The following MELTF variants were observed in gnomAD, a reference collection of about 807,000 sequenced individuals.
The protein encoded by MELTF is melanotransferrin.
A neutral mutation model predicts 83.7 loss-of-function variants in MELTF; 67 were observed. The ratio of observed to expected loss-of-function variants is 0.80; its 90% CI spans 0.66 to 0.98. The LOEUF (loss-of-function observed/expected upper bound fraction) is 0.98. Ranked by LOEUF, MELTF falls within the 50% of genes least tolerant of loss-of-function variation. The pLI, the probability that MELTF is intolerant of heterozygous loss-of-function variation, is 0.00. For synonymous variants in MELTF, 462 were observed against 447.6 expected (o/e 1.03, Z -0.41); for missense variants, 1,002 against 1,035.6 (o/e 0.97, Z 0.44).
rs1215030152 is a variant in MELTF at position 197,008,290 on chromosome 3, T to TCA, written c.1750+366_1750+367insTG. 6.6e-6 allele frequency among the ~76,000 whole-genome samples: 1 copy of TCA among 152,162 alleles called. No homozygotes were observed. The highest frequency in any genetic ancestry group is 1.5e-5 in the Non-Finnish European group (1 of 68,032). ...CTCAGGAACACAGACCAGATACTGATTGAACTCATGACCCTGTGGAGAGGC... is the reference window on the plus strand; with the variant it reads ...CTCAGGAACACAGACCAGATACTGATCATGAACTCATGACCCTGTGGAGAGGC... On this transcript the variant is annotated intron_variant, in intron 13 of 15. Coordinates refer to ENST00000296350, the MANE Select transcript of MELTF (RefSeq NM_005929.6). This position sits in a 1 kb window ranked among gnomAD's most constrained non-coding sequence, Gnocchi z 5.4.
chr3:197,026,317 C>T (rs774790009), intron 3 of MELTF: 45 of 230,026 alleles, frequency 2.0e-4, no homozygotes, highest in Admixed American at 1.1e-3. Flanking sequence ...GCAGGTGGCT[C>T]GGCATTAAGG....
In MELTF at chr3:197,008,821, C is replaced by T. The variant is rs755429699; in HGVS notation, c.1670G>A (p.Arg557His). The T allele has an allele frequency of 1.3e-5, 21 of 1,614,002 alleles. No homozygotes were observed. In the African/African-American group the frequency reaches 1.3e-4, roughly 10 times the overall value. The change falls in exon 12 of 16, where the codon CGC becomes CAC. Residue 557 changes from arginine (R) to histidine (H), a missense_variant. Physicochemically the swap from Arg to His is conservative, Grantham distance 29. Coordinates refer to ENST00000296350, the MANE Select transcript of MELTF (RefSeq NM_005929.6). The surrounding 1 kb of genome is among the most constrained non-coding windows in gnomAD (Gnocchi z 5.4). ...GNSQERYYGY[R>H]GAFRCLVENA... ...GCCACCCGGGTACCTGAAGGCGCCGCGGTAGCCGTAATACCGCTCCTGGCT... is the reference window on the plus strand; with the variant it reads ...GCCACCCGGGTACCTGAAGGCGCCGTGGTAGCCGTAATACCGCTCCTGGCT...
chr3:197,012,551 G>A (rs887732042), intron 9 of MELTF, among the ~76,000 whole-genome samples: 2 of 152,276 alleles, frequency 1.3e-5, no homozygotes, highest in African/African-American at 4.8e-5. Context: ...ACTGCTGAGG[G>A]GCCTGTGCTT....
At chr3:197,027,046 A>G in intron 2 of MELTF, 1 of 406,838 alleles carries the variant, frequency 2.5e-6, no homozygotes. Flanking sequence ...GTGCGCAGTG[A>G]CAAGTGAGTC....
chr3:197,010,627 G>A, intron 10 of MELTF, 71 bp downstream of exon 10: 3 of 1,319,668 alleles, frequency 2.3e-6, no homozygotes, highest in Non-Finnish European at 3.2e-6. Context: ...TGGCTGAGGG[G>A]GGCACTCTTT....
At position 197,008,731 on chromosome 3, in the gene MELTF, C is replaced by CA. The variant is rs1207705627; in HGVS notation, c.1683-8dup. The CA allele has an allele frequency of 1.2e-6, 2 of 1,613,978 alleles. No homozygotes were observed. The highest frequency in any genetic ancestry group is 3.3e-5 in the Admixed American group (2 of 60,000). On this transcript the variant is annotated splice_region_variant and splice_polypyrimidine_tract_variant and intron_variant, in intron 12 of 15. Coordinates refer to ENST00000296350, the MANE Select transcript of MELTF (RefSeq NM_005929.6). This position sits in a 1 kb window ranked among gnomAD's most constrained non-coding sequence, Gnocchi z 5.4. ...CGCATTCTCCACCAGGCACCTGCCA[C>CA]ACAGAGGGCAGGGCAGGCGTCGGCA...
rs570317398 is a variant in MELTF, at chr3:197,011,312, G to A, written c.1234-518C>T. ...GGCTGAGGGATGGAGCTCTGCCTGC[G>A]GAGGCGCGGGAGGGTCCAGTGCCTT... On this transcript the variant is annotated intron_variant, in intron 9 of 15. Transcript: ENST00000296350. The surrounding 1 kb of genome is among the most constrained non-coding windows in gnomAD (Gnocchi z 4.2). Among the ~76,000 whole-genome samples the A allele has an allele frequency of 1.8e-4, 28 of 152,332 alleles. No homozygotes were observed. Among genetic ancestry groups the A allele is most frequent in the Non-Finnish European group, 2.8e-4 (19 of 68,020 alleles).
chr3:197,006,402 A>G lies in MELTF; in HGVS notation c.1938+147T>C, dbSNP rs1437909833. ...GGCAGAGGGGACAGTTTCTGGAGGG[A>G]TGTCCTTGCGTAAGTGAAAATCACA... is the stretch of plus-strand genomic sequence containing the variant. On this transcript the variant is annotated intron_variant, in intron 14 of 15. Coordinates refer to ENST00000296350, the MANE Select transcript of MELTF (RefSeq NM_005929.6). The surrounding 1 kb of genome is among the most constrained non-coding windows in gnomAD (Gnocchi z 5.4). 1 of 665,270 alleles carries G rather than the reference A, an allele frequency of 1.5e-6. No individual in the cohort carries two copies. Among genetic ancestry groups the G allele is most frequent in the African/African-American group, 1.9e-5 (1 of 52,890 alleles). The allele number at this position is 665,270 out of a possible 1,614,324, so 41.2% of individuals were successfully genotyped here. A position where few individuals can be genotyped will look rare whatever the true frequency, so the allele number is the denominator to read the frequency against.
In MELTF at chr3:197,017,128, A is replaced by G; in HGVS notation, c.875T>C (p.Ile292Thr). Residue 292 changes from isoleucine (I) to threonine (T), a missense_variant, in exon 7 of 16, where the codon ATC becomes ACC. By Grantham distance (89) the Ile-to-Thr change is moderately conservative (BLOSUM62 -1). Transcript: ENST00000296350. ...VVRADTDGGLIFRLLNEGQRL... is the reference protein window; with the variant it reads ...VVRADTDGGLTFRLLNEGQRL... ...CTGGCCTTCGTTGAGCAGCCGGAAG[A>G]TGAGGCCCCCATCTGTGTCGGCCCG... is the stretch of plus-strand genomic sequence containing the variant. 6.2e-7 allele frequency: 1 copy of G among 1,612,480 alleles called. No homozygotes were observed.
intron 6 of MELTF, chr3:197,018,992 GA>G (rs1464762696): frequency 5.1e-6 from 5 of 985,134 alleles, no homozygotes; most frequent in East Asian, 1.1e-4. Flanking sequence ...AGACAAGGAG[GA>G]AAAAAACCTC....
rs762836725 is a variant in MELTF at position 197,008,675 on chromosome 3, C to T, written c.1732G>A (p.Val578Ile). 2.6e-5 allele frequency: 42 copies of T among 1,613,942 alleles called. No homozygotes were observed. Among genetic ancestry groups the T allele is most frequent in the South Asian group, 8.8e-5 (8 of 91,060 alleles). The change falls in exon 13 of 16, where the codon GTC becomes ATC. Residue 578 changes from valine to isoleucine, a missense_variant. Coordinates refer to ENST00000296350, the MANE Select transcript of MELTF (RefSeq NM_005929.6). This position sits in a 1 kb window ranked among gnomAD's most constrained non-coding sequence, Gnocchi z 5.4. ...GDVAFVRHTT[V>I]FDNTNGHNSE... is the part of the protein sequence containing the mutation. ...CACCTACCGTTTGTGTTGTCAAAGA[C>T]GGTTGTGTGCCTGACGAAGGCAACG... is the stretch of plus-strand genomic sequence containing the variant.
intron 6 of MELTF, among the ~76,000 whole-genome samples, 182 bp from the exon 7 acceptor site, chr3:197,017,472 C>T (rs776585361): frequency 3.9e-5 from 6 of 152,184 alleles, no homozygotes; most frequent in African/African-American, 1.2e-4. Flanking sequence ...GACTCTATCT[C>T]GTTACTCTCA....
At chr3:197,018,423 T>G (rs1719488968) in intron 6 of MELTF, among the ~76,000 whole-genome samples, 1 of 151,766 alleles carries the variant, frequency 6.6e-6, no homozygotes, top group South Asian at 2.1e-4. Flanking sequence ...AGTGCTGGGA[T>G]TACAGGCGTG....
chr3:197,022,970 T>C lies in MELTF; in HGVS notation c.631A>G (p.Ser211Gly). Reference protein sequence around the residue: ...KSPLERYYDYSGAFRCLAEGA... With the variant: ...KSPLERYYDYGGAFRCLAEGA... The stretch of plus-strand genomic sequence containing the variant: ...CACTCCGCTCACCGGAAGGCCCCGC[T>C]GTAGTCGTAGTATCTCTCCAGGGGG... Residue 211 changes from serine to glycine, a missense_variant, in exon 5 of 16, where the codon AGC (serine) becomes GGC (glycine). Physicochemically the swap from Ser to Gly is moderately conservative, Grantham distance 56 (BLOSUM62 0). Coordinates refer to ENST00000296350, the MANE Select transcript of MELTF (RefSeq NM_005929.6). The surrounding 1 kb of genome is among the most constrained non-coding windows in gnomAD (Gnocchi z 5.1). 1 of 1,609,802 alleles carries C rather than the reference T, an allele frequency of 6.2e-7. No individual in the cohort carries two copies.
rs1270116116 is a variant in MELTF at position 197,008,646 on chromosome 3, C to T, written c.1750+11G>A. ...CGACCTACCTTTGGCCCTGCTCTTGCCCCCACCTACCGTTTGTGTTGTCAA... is the reference window on the plus strand; with the variant it reads ...CGACCTACCTTTGGCCCTGCTCTTGTCCCCACCTACCGTTTGTGTTGTCAA... On this transcript the variant is annotated intron_variant, in intron 13 of 15. Transcript: ENST00000296350. The surrounding 1 kb of genome is among the most constrained non-coding windows in gnomAD (Gnocchi z 5.4). 3 of 1,612,834 alleles carry T rather than the reference C, an allele frequency of 1.9e-6. No homozygotes were observed. Among genetic ancestry groups the T allele is most frequent in the South Asian group, 2.2e-5 (2 of 90,862 alleles).
rs755988720 is a variant in MELTF, at chr3:197,029,744, C to G, written c.-42G>C. On this transcript the variant is annotated 5_prime_UTR_variant, in exon 1 of 16. Coordinates refer to ENST00000296350, the MANE Select transcript of MELTF (RefSeq NM_005929.6). This position sits in a 1 kb window ranked among gnomAD's most constrained non-coding sequence, Gnocchi z 6.5. The stretch of plus-strand genomic sequence containing the variant: ...GCTGGGGCCGGGCTGGGGCTGGGTC[C>G]GGGTCCGAGGAGGTCCGCAGCAGCC... 1.6e-6 allele frequency: 2 copies of G among 1,217,680 alleles called. No individual in the cohort carries two copies. The highest frequency in any genetic ancestry group is 2.1e-6 in the Non-Finnish European group (2 of 975,444). 75.4% of individuals were successfully genotyped at this position (1,217,680 alleles called of 1,614,324 possible).
intron 6 of MELTF, among the ~76,000 whole-genome samples, chr3:197,017,706 T>A (rs1296784463): frequency 6.6e-6 from 1 of 151,666 alleles, no homozygotes; most frequent in African/African-American, 2.4e-5. Context: ...TGAAACCCCA[T>A]CTCTACTAAA....
chr3:197,024,165 G>C lies in MELTF; in HGVS notation c.487+138C>G, dbSNP rs45460999. On this transcript the variant is annotated intron_variant, in intron 4 of 15. Transcript: ENST00000296350. The surrounding 1 kb of genome is among the most constrained non-coding windows in gnomAD (Gnocchi z 5.3). ...AGTGGAGGCGGGGGAGGCACGGGGC[G>C]GGCGGGGGCTGCTGCGCCTTCCAGG... 4.5e-6 allele frequency: 4 copies of C among 894,498 alleles called. No homozygotes were observed. The Admixed American group carries it at 1.2e-4, about 26-fold the overall frequency. The allele number at this position is 894,498 out of a possible 1,614,324, so 55.4% of individuals were successfully genotyped here. A position where few individuals can be genotyped will look rare whatever the true frequency, so the allele number is the denominator to read the frequency against.
rs1388660380 is a variant in MELTF, at chr3:197,015,355, T to G, written c.1233+10A>C. 1 of 1,548,838 alleles carries G rather than the reference T, an allele frequency of 6.5e-7. No homozygotes were observed. Among genetic ancestry groups the G allele is most frequent in the Non-Finnish European group, 8.7e-7 (1 of 1,144,380 alleles). On this transcript the variant is annotated intron_variant, in intron 9 of 15. Transcript: ENST00000296350. Reference sequence around the variant, plus strand: ...CCACCTGGCCCACGCTGCACCTGCGTGACTCCCACCTGGATCCGCTCCATG... The same window carrying G: ...CCACCTGGCCCACGCTGCACCTGCGGGACTCCCACCTGGATCCGCTCCATG...
Sources: gnomAD v4.1 joint callset for allele counts (sites outside exome capture counted in the v4.1 genomes callset) on GRCh38, gnomAD v4.1.1 for gene constraint, Gnocchi (gnomAD v3.1) non-coding constraint, MANE v1.5 for transcripts, NCBI Gene and HGNC (gene_info 2026-07-23, HGNC 2026-07-21) for gene names.